Variants in KPNA4 observed in about 807,000 individuals in gnomAD.
KPNA4 encodes karyopherin subunit alpha 4, also known as importin subunit alpha-3.
KPNA4 carries 13 observed loss-of-function variants against 71.3 expected under a neutral mutation model. The observed-to-expected ratio is 0.18, with a 90% CI of 0.12 to 0.29. KPNA4 has a LOEUF of 0.29. KPNA4 is among the 10% of genes least tolerant of loss of function. KPNA4 has a pLI of 1.00. For synonymous variants in KPNA4, 189 were observed against 195.2 expected (o/e 0.97, Z 0.26); for missense variants, 334 against 603.2 (o/e 0.55, Z 4.67).
chr3:160,525,296 G>A (rs1577052798), intron 10 of KPNA4, among the ~76,000 whole-genome samples: 1 of 152,304 alleles, frequency 6.6e-6, no homozygotes, highest in Non-Finnish European at 1.5e-5. Context: ...AAGGGCAATT[G>A]ATGTCCATGG....
intron 5 of KPNA4, among the ~76,000 whole-genome samples, chr3:160,535,021 C>T (rs1414743562): frequency 6.6e-6 from 1 of 151,884 alleles, no homozygotes; most frequent in Non-Finnish European, 1.5e-5. Flanking sequence ...CTCGCCCGGC[C>T]GTCATTAATC....
Position 160,495,044 on chromosome 3 carries a change from C to G in KPNA4, c.*7060G>C, listed in dbSNP as rs1188825368. On this transcript the variant is annotated 3_prime_UTR_variant, in exon 17 of 17. Transcript: ENST00000334256. ...GCATTTATTGAGTACCCATAGAACT[C>G]ATGGTACCTTCACGGTGTTTACAGA... 1 of 152,182 alleles carries G rather than the reference C, an allele frequency of 6.6e-6. No individual in the cohort carries two copies. Among genetic ancestry groups the G allele is most frequent in the East Asian group, 1.9e-4 (1 of 5,208 alleles). The allele number at this position is 152,182 out of a possible 1,614,324, so 9.4% of individuals were successfully genotyped here.
chr3:160,509,096 G>A (rs556883131), intron 14 of KPNA4, among the ~76,000 whole-genome samples: 5 of 152,060 alleles, frequency 3.3e-5, no homozygotes, highest in Non-Finnish European at 7.4e-5. Context: ...TACCTACTCT[G>A]TGAAACAGAT....
Position 160,514,192 on chromosome 3 carries a change from A to G in KPNA4, c.1033-11T>C. On this transcript the variant is annotated splice_polypyrimidine_tract_variant and intron_variant, in intron 12 of 16. Transcript: ENST00000334256. ...GAACCACACTGCTTCCTGTAGAACA[A>G]GAGCATTTGAATATTTCTCATTAAA... is the stretch of plus-strand genomic sequence containing the variant. The G allele has an allele frequency of 6.4e-7, 1 of 1,567,794 alleles. No individual in the cohort carries two copies. Among genetic ancestry groups the G allele is most frequent in the African/African-American group, 1.4e-5 (1 of 72,448 alleles).
chr3:160,523,885 G>C (rs544676632), intron 10 of KPNA4, among the ~76,000 whole-genome samples: 279 of 152,078 alleles, frequency 1.8e-3, no homozygotes, highest in African/African-American at 6.3e-3. Flanking sequence ...ATAAAAAAAT[G>C]GTATCAATAT....
chr3:160,555,584 G>A (rs1722121327), intron 1 of KPNA4, among the ~76,000 whole-genome samples: 1 of 152,102 alleles, frequency 6.6e-6, no homozygotes, highest in Non-Finnish European at 1.5e-5. Context: ...TATATTGTAA[G>A]AAAAGTCATG....
At chr3:160,525,113 G>A (rs770656315) in intron 10 of KPNA4, among the ~76,000 whole-genome samples, 60 of 152,160 alleles carry the variant, frequency 3.9e-4, no homozygotes, top group Non-Finnish European at 7.4e-4. Context: ...TACTCCCTGA[G>A]TTGCTTTTTC....
chr3:160,504,062 C>A (rs1252957876), intron 16 of KPNA4, among the ~76,000 whole-genome samples: 2 of 151,854 alleles, frequency 1.3e-5, no homozygotes, highest in Non-Finnish European at 2.9e-5. Context: ...CCAGCCTGGG[C>A]CCCGTCTTTA....
intron 10 of KPNA4, among the ~76,000 whole-genome samples, chr3:160,523,886 G>C (rs62272792): frequency 0.48 from 73,288 of 151,962 alleles, 18,518 homozygotes; most frequent in Non-Finnish European, 0.55. Context: ...TAAAAAAATG[G>C]TATCAATATA....
chr3:160,551,306 C>T (rs186161187), intron 1 of KPNA4, among the ~76,000 whole-genome samples: 4 of 152,248 alleles, frequency 2.6e-5, no homozygotes, highest in Non-Finnish European at 2.9e-5. Flanking sequence ...TCTACAAAAA[C>T]ATATGAAAAG....
At chr3:160,545,769 G>A (rs1721890884) in intron 1 of KPNA4, among the ~76,000 whole-genome samples, 1 of 152,140 alleles carries the variant, frequency 6.6e-6, no homozygotes, top group South Asian at 2.1e-4. Context: ...ATAATATCTT[G>A]GACCAGAGTG....
At chr3:160,564,784 C>T (rs1305500370) in intron 1 of KPNA4, 1 of 152,116 alleles carries the variant, frequency 6.6e-6, no homozygotes, top group Non-Finnish European at 1.5e-5. Flanking sequence ...CTCCCATTCC[C>T]ACCGCCCTCC....
chr3:160,502,173 C>A lies in KPNA4; in HGVS notation c.1497G>T (p.Glu499Asp). ...AACCAAATGTTCCGCCTTGAATTGC[C>A]TCTGGAACAAGGCTAGGGTCTTCAT... ...DIDEDPSLVP[E>D]AIQGGTFGFN... is the part of the protein sequence containing the mutation. The change falls in exon 17 of 17, where the codon GAG becomes GAT. Residue 499 changes from glutamate to aspartate, a missense_variant. Glu to Asp is a conservative substitution (Grantham distance 45). Coordinates refer to ENST00000334256, the MANE Select transcript of KPNA4 (RefSeq NM_002268.5). 1 of 1,595,100 alleles carries A rather than the reference C, an allele frequency of 6.3e-7. No individual in the cohort carries two copies. Among genetic ancestry groups the A allele is most frequent in the Non-Finnish European group, 8.6e-7 (1 of 1,167,690 alleles).
intron 10 of KPNA4, among the ~76,000 whole-genome samples, chr3:160,523,238 A>G (rs1721391460): frequency 6.6e-6 from 1 of 152,164 alleles, no homozygotes; most frequent in Non-Finnish European, 1.5e-5. Context: ...TGGGAGACCA[A>G]GGCAGGTGGA....
intron 10 of KPNA4, 105 bp from the exon 11 acceptor site, chr3:160,522,015 T>G (rs1721358801): frequency 2.2e-6 from 2 of 890,538 alleles, no homozygotes; most frequent in South Asian, 3.6e-5. Flanking sequence ...TTCTTCCTTC[T>G]TTTCTTCTCT....
intron 12 of KPNA4, chr3:160,515,020 C>T (rs751619077): frequency 7.7e-6 from 4 of 519,120 alleles, no homozygotes; most frequent in South Asian, 5.6e-5. Flanking sequence ...AATCAACAAC[C>T]CATGTTATTT....
Position 160,515,445 on chromosome 3 carries a change from T to C in KPNA4, c.1032+7A>G. ...CTATCTATTAAGTAGTATTTAATAG[T>C]ACTTACTTTATTAATTTTCTCTTTG... is the stretch of plus-strand genomic sequence containing the variant. On this transcript the variant is annotated splice_region_variant and intron_variant, in intron 12 of 16. Transcript: ENST00000334256. 6.2e-7 allele frequency: 1 copy of C among 1,606,732 alleles called. No individual in the cohort carries two copies. The highest frequency in any genetic ancestry group is 8.5e-7 in the Non-Finnish European group (1 of 1,174,826).
At chr3:160,559,419 A>G (rs1722201023) in intron 1 of KPNA4, among the ~76,000 whole-genome samples, 1 of 152,198 alleles carries the variant, frequency 6.6e-6, no homozygotes, top group South Asian at 2.1e-4. Context: ...TTTATTGAAT[A>G]AAATATGTTA....
intron 7 of KPNA4, among the ~76,000 whole-genome samples, chr3:160,529,972 A>G (rs1439775127): frequency 4.0e-5 from 6 of 150,478 alleles, no homozygotes; most frequent in Admixed American, 3.3e-4. Flanking sequence ...CGTCTCTACT[A>G]AAAATACAAA....
Sources: allele counts gnomAD v4.1 joint callset (sites outside exome capture counted in the v4.1 genomes callset), GRCh38; gene constraint gnomAD v4.1.1; transcripts MANE v1.5; gene names NCBI Gene and HGNC (gene_info 2026-07-23, HGNC 2026-07-21).